The following CCDC3 variants were observed in gnomAD, a reference collection of about 807,000 sequenced individuals.
The protein encoded by CCDC3 is coiled-coil domain containing 3, also known as coiled-coil domain-containing protein 3.
CCDC3 carries 24 observed loss-of-function variants against 21.4 expected under a neutral mutation model. That is an observed-to-expected ratio of 1.12 (90% confidence interval 0.81 to 1.58). The LOEUF (loss-of-function observed/expected upper bound fraction) is 1.58. Ranked by LOEUF, CCDC3 falls within the 40% of genes most tolerant of loss-of-function variation. The probability of loss-of-function intolerance (pLI) is 0.00; values close to 1 mark genes in which losing one functional copy is unlikely to be tolerated. For synonymous variants in CCDC3, 186 were observed against 166.0 expected (o/e 1.12, Z -0.93); for missense variants, 425 against 360.9 (o/e 1.18, Z -1.44).
At chr10:12,935,153 T>C (rs1015214477) in intron 2 of CCDC3, among the ~76,000 whole-genome samples, 1 of 152,132 alleles carries the variant, frequency 6.6e-6, no homozygotes, top group Non-Finnish European at 1.5e-5. Flanking sequence ...GTTGGGATTA[T>C]AGGTGTGAGC....
At chr10:12,916,925 C>G (rs1292206880) in intron 2 of CCDC3, among the ~76,000 whole-genome samples, 1 of 152,128 alleles carries the variant, frequency 6.6e-6, no homozygotes, top group Non-Finnish European at 1.5e-5. Context: ...CTGGGTTGGG[C>G]CCGGAGACCA....
chr10:12,970,992 A>AT (rs1303794861), intron 2 of CCDC3, among the ~76,000 whole-genome samples: 1 of 152,168 alleles, frequency 6.6e-6, no homozygotes, highest in Non-Finnish European at 1.5e-5. Flanking sequence ...CTCAACGTTC[A>AT]TTTTTTAAAT....
chr10:12,906,382 G>A (rs1428948397), intron 2 of CCDC3, among the ~76,000 whole-genome samples: 1 of 152,206 alleles, frequency 6.6e-6, no homozygotes, highest in African/African-American at 2.4e-5. Context: ...TGAAGAGGAA[G>A]GCGGAGATGG....
At chr10:13,022,046 T>C (rs189042663) in intron 5 of CCDC3, among the ~76,000 whole-genome samples, 30 of 152,128 alleles carry the variant, frequency 2.0e-4, no homozygotes, top group South Asian at 6.2e-4. Flanking sequence ...AGGTGTGAGC[T>C]ACCACGCCCA....
chr10:13,058,061 T>C lies in CCDC3; in HGVS notation c.-269-8120A>G, dbSNP rs1409655035. ...TTCCTCCATTAAGTAGCACATGTAA[T>C]CTGCAACATTCTGGCCCCTGATGTG... On this transcript the variant is annotated intron_variant, in intron 4 of 6. Transcript: ENST00000378839. The C allele has an allele frequency of 5.3e-6, 4 of 752,038 alleles. No homozygotes were observed. The East Asian group carries it at 9.8e-5, about 18-fold the overall frequency. 46.6% of individuals were successfully genotyped at this position (752,038 alleles called of 1,614,324 possible).
At chr10:12,902,141 A>G (rs944543955) in intron 2 of CCDC3, among the ~76,000 whole-genome samples, 2 of 152,182 alleles carry the variant, frequency 1.3e-5, no homozygotes, top group African/African-American at 4.8e-5. Context: ...CCTGGTTCAC[A>G]ATGGTTTTTG....
chr10:12,983,741 T>C (rs532329251), intron 2 of CCDC3, among the ~76,000 whole-genome samples: 30 of 149,874 alleles, frequency 2.0e-4, no homozygotes, highest in Middle Eastern at 3.6e-3. Flanking sequence ...AATGTACAGA[T>C]GAAAAGATGA....
At chr10:13,015,574 G>A (rs1260215004) in intron 5 of CCDC3, among the ~76,000 whole-genome samples, 1 of 152,068 alleles carries the variant, frequency 6.6e-6, no homozygotes, top group African/African-American at 2.4e-5. Context: ...CCAATTTATA[G>A]AGAAGGAAAG....
intron 4 of CCDC3, among the ~76,000 whole-genome samples, chr10:13,067,981 C>A (rs1292614380): frequency 2.0e-5 from 3 of 152,038 alleles, no homozygotes; most frequent in Non-Finnish European, 4.4e-5. Flanking sequence ...TCTCAGTAGA[C>A]TGAATTATTT....
intron 3 of CCDC3, among the ~76,000 whole-genome samples, chr10:13,081,513 G>T (rs1009500945): frequency 6.6e-6 from 1 of 152,188 alleles, no homozygotes; most frequent in South Asian, 2.1e-4. Context: ...CACCATCAGA[G>T]TCATGGGCCA....
chr10:13,058,435 G>A (rs183745864), intron 4 of CCDC3: 28 of 770,306 alleles, frequency 3.6e-5, no homozygotes, highest in East Asian at 7.3e-5. Context: ...TTGGCAGTTC[G>A]TGTGCATATG....
At chr10:13,017,411 G>A (rs1303713826) in intron 5 of CCDC3, among the ~76,000 whole-genome samples, 3 of 151,260 alleles carry the variant, frequency 2.0e-5, no homozygotes, top group Non-Finnish European at 4.4e-5. Context: ...CAGCTACTTG[G>A]GAGGCTGAGG....
At chr10:12,948,467 G>GCACACACACACA (rs35847630) in intron 2 of CCDC3, among the ~76,000 whole-genome samples, 3 of 148,368 alleles carry the variant, frequency 2.0e-5, no homozygotes, top group African/African-American at 7.4e-5. Flanking sequence ...GCAGACAATT[G>GCACACACACACA]CACACACACA....
intron 2 of CCDC3, among the ~76,000 whole-genome samples, chr10:12,909,189 C>T (rs1295936825): frequency 6.6e-6 from 1 of 152,162 alleles, no homozygotes; most frequent in East Asian, 1.9e-4. Flanking sequence ...TTAATTCTCT[C>T]CCTTGAAAAC....
intron 2 of CCDC3, among the ~76,000 whole-genome samples, chr10:12,918,223 A>G (rs1451890615): frequency 6.6e-6 from 1 of 152,202 alleles, no homozygotes; most frequent in Non-Finnish European, 1.5e-5. Context: ...CCAGTGCCAT[A>G]TGACTTTTGT....
intron 5 of CCDC3, among the ~76,000 whole-genome samples, chr10:13,007,315 G>C (rs1288206260): frequency 6.6e-6 from 1 of 152,146 alleles, no homozygotes; most frequent in African/African-American, 2.4e-5. Context: ...TTTCAGGGAA[G>C]CTCTGGCATC....
chr10:13,070,181 T>C (rs1299688750), intron 4 of CCDC3, among the ~76,000 whole-genome samples: 2 of 152,228 alleles, frequency 1.3e-5, no homozygotes, highest in Non-Finnish European at 1.5e-5. Flanking sequence ...TTTGAGCTAT[T>C]TACAGCCTTT....
intron 5 of CCDC3, among the ~76,000 whole-genome samples, chr10:13,012,571 T>A (rs954007488): frequency 2.0e-5 from 3 of 151,812 alleles, no homozygotes; most frequent in Non-Finnish European, 4.4e-5. Context: ...GAAAAGAGAA[T>A]GAATGCTTAT....
intron 2 of CCDC3, among the ~76,000 whole-genome samples, chr10:12,910,443 T>C (rs185940294): frequency 1.7e-3 from 256 of 152,252 alleles, no homozygotes; most frequent in Middle Eastern, 3.4e-3. Flanking sequence ...TCAGTTAATA[T>C]TTTATTTGGT....
Sources: gnomAD v4.1 joint callset for allele counts (sites outside exome capture counted in the v4.1 genomes callset) on GRCh38, gnomAD v4.1.1 for gene constraint, MANE v1.5 for transcripts, NCBI Gene and HGNC (gene_info 2026-07-23, HGNC 2026-07-21) for gene names.